The following PSMB5 variants were observed in gnomAD, a reference collection of about 807,000 sequenced individuals.
PSMB5 encodes the protein proteasome 20S subunit beta 5.
Under a neutral mutation model 22.8 loss-of-function variants are expected in PSMB5, and 2 were observed. The ratio of observed to expected loss-of-function variants is 0.09; its 90% confidence interval spans 0.04 to 0.28. The LOEUF (loss-of-function observed/expected upper bound fraction) is 0.28. Ranked by LOEUF, PSMB5 falls within the 10% of genes least tolerant of loss-of-function variation. The pLI is 1.00. For synonymous variants in PSMB5, 133 were observed against 135.3 expected, an observed-to-expected ratio of 0.98 and a Z score of 0.12; for missense variants, 269 against 343.8, an observed-to-expected ratio of 0.78 and a Z score of 1.72.
Position 23,026,210 on chromosome 14 carries a change from T to C in PSMB5, c.671A>G (p.Tyr224Cys). Residue 224 changes from tyrosine (Y) to cysteine (C), a missense_variant, in exon 3 of 3, where the codon TAC becomes TGC. Around this residue, in one of 3 missense-constraint regions of PSMB5, gnomAD observed 113 missense variants for 130.2 expected, o/e 0.87. Transcript: ENST00000361611. The part of the protein sequence containing the change: ...LARRAIYQAT[Y>C]RDAYSGGAVN... Reference sequence around the variant, plus strand: ...TGCACCTCCTGAGTAGGCATCTCTGTAGGTGGCTTGGTAGATGGCTCGACG... The same window carrying C: ...TGCACCTCCTGAGTAGGCATCTCTGCAGGTGGCTTGGTAGATGGCTCGACG... 6.2e-7 allele frequency: 1 copy of C among 1,614,110 alleles called. No homozygotes were observed. The highest frequency in any genetic ancestry group is 8.5e-7 in the Non-Finnish European group (1 of 1,180,026).
intron 2 of PSMB5, among the ~76,000 whole-genome samples, chr14:23,031,674 T>C (rs1394848843): frequency 6.6e-6 from 1 of 152,210 alleles, no homozygotes; most frequent in Admixed American, 6.5e-5. Context: ...AAAGTTGAAC[T>C]GTCTGGCAAG....
At chr14:23,029,787 A>T (rs1594713054) in intron 2 of PSMB5, among the ~76,000 whole-genome samples, 3 of 140,072 alleles carry the variant, frequency 2.1e-5, no homozygotes, top group South Asian at 2.3e-4. Context: ...CTAATTTTGT[A>T]TTTTTTTTTT....
chr14:23,027,865 C>T (rs1417586000), intron 2 of PSMB5: 9 of 1,490,710 alleles, frequency 6.0e-6, no homozygotes, highest in Non-Finnish European at 7.3e-6. Flanking sequence ...AATCCCCGGC[C>T]AGGCGCAGTG....
rs1178544507 is a variant in PSMB5 at position 23,032,743 on chromosome 14, C to T, written c.505+625G>A. Among the ~76,000 whole-genome samples the T allele has an allele frequency of 4.0e-5, 6 of 151,388 alleles. 1 individual carries two copies. Among genetic ancestry groups the T allele is most frequent in the South Asian group, 4.2e-4 (2 of 4,798 alleles). On this transcript the variant is annotated intron_variant, in intron 2 of 2. Transcript: ENST00000361611. ...CCTCCTGAGTAGCTGGGACTACAGG[C>T]GCCTGCCACCACGCCTGGCTAATTT... is the stretch of plus-strand genomic sequence containing the variant.
Position 23,033,350 on chromosome 14 carries a change from G to T in PSMB5, c.505+18C>A. 6.3e-7 allele frequency: 1 copy of T among 1,599,100 alleles called. No homozygotes were observed. On this transcript the variant is annotated intron_variant, in intron 2 of 2. Transcript: ENST00000361611. ...TGTAGTGTCAGCCCAAGGATCATGT[G>T]GTTGCAGCTTAACTCACCAGGGCCT...
chr14:23,031,843 CTT>C (rs925692899), intron 2 of PSMB5, among the ~76,000 whole-genome samples: 1 of 152,216 alleles, frequency 6.6e-6, no homozygotes, highest in Non-Finnish European at 1.5e-5. Flanking sequence ...AATCTCAACA[CTT>C]TGGCAGGCTG....
chr14:23,031,653 A>G (rs2046953165), intron 2 of PSMB5, among the ~76,000 whole-genome samples: 1 of 152,266 alleles, frequency 6.6e-6, no homozygotes, highest in South Asian at 2.1e-4. Context: ...TGAGGAAATG[A>G]CATTAAATAC....
In PSMB5 at chr14:23,034,616, T is replaced by C. The variant is rs1381801135; in HGVS notation, c.198+68A>G. 3 of 1,560,882 alleles carry C rather than the reference T, an allele frequency of 1.9e-6. No homozygotes were observed. The East Asian group carries it at 7.0e-5, about 37-fold the overall frequency. On this transcript the variant is annotated intron_variant, in intron 1 of 2. Transcript: ENST00000361611. ...TGGCCAAGGCCACCGCAAACTCCGG[T>C]CAGGCTGGGAGGCCAGGCAAGTCGC...
At chr14:23,027,890 T>A (rs1334776861) in intron 2 of PSMB5, 1 of 1,343,564 alleles carries the variant, frequency 7.4e-7, no homozygotes, top group Non-Finnish European at 1.0e-6. Flanking sequence ...AAACCCGTAA[T>A]CCCAGCACTT....
chr14:23,034,052 T>A (rs182536547), intron 1 of PSMB5, among the ~76,000 whole-genome samples: 17 of 150,512 alleles, frequency 1.1e-4, no homozygotes, highest in Non-Finnish European at 2.2e-4. Flanking sequence ...GTGCCTATAG[T>A]GTCAGCTACT....
intron 2 of PSMB5, among the ~76,000 whole-genome samples, chr14:23,030,476 G>A (rs1386798057): frequency 4.0e-5 from 6 of 151,502 alleles, no homozygotes; most frequent in Admixed American, 6.6e-5. Flanking sequence ...GCGACAGAGC[G>A]AGACTCCGTC....
In PSMB5 at chr14:23,031,492, T is replaced by C. The variant is rs528600373; in HGVS notation, c.505+1876A>G. Among the ~76,000 whole-genome samples the C allele has an allele frequency of 5.9e-5, 9 of 152,316 alleles. No individual in the cohort carries two copies. In the South Asian group the frequency reaches 1.0e-3, roughly 18 times the overall value. On this transcript the variant is annotated intron_variant, in intron 2 of 2. Coordinates refer to ENST00000361611, the MANE Select transcript of PSMB5 (RefSeq NM_002797.5). ...TGGTAGGTACCCTATAATTGTTCTA[T>C]AAGATAACTAGGTATTTAGTAAGCA... is the stretch of plus-strand genomic sequence containing the variant.
rs183626421 is a variant in PSMB5 at position 23,032,983 on chromosome 14, T to C, written c.505+385A>G. On this transcript the variant is annotated intron_variant, in intron 2 of 2. Coordinates refer to ENST00000361611, the MANE Select transcript of PSMB5 (RefSeq NM_002797.5). ...GTGCAGTGGCGCGATCTCTGCTCAC[T>C]GCAACATCCACCTCCTGGGTTCAAG... Among the ~76,000 whole-genome samples, 399 of 149,154 alleles carry C rather than the reference T, an allele frequency of 2.7e-3. 1 individual carries two copies. The highest frequency in any genetic ancestry group is 9.4e-3 in the African/African-American group (381 of 40,672).
At chr14:23,028,089 GC>G (rs915989438) in intron 2 of PSMB5, among the ~76,000 whole-genome samples, 35 of 152,294 alleles carry the variant, frequency 2.3e-4, no homozygotes, top group Admixed American at 7.8e-4. Flanking sequence ...TTTGCAGTGA[GC>G]CGAGATCGCA....
chr14:23,034,641 C>T, intron 1 of PSMB5, 43 bp downstream of exon 1: 1 of 1,598,514 alleles, frequency 6.3e-7, no homozygotes, highest in Non-Finnish European at 8.5e-7. Flanking sequence ...AGGCAAGTCG[C>T]GGGCGTTCAG....
chr14:23,027,307 G>A (rs1286207451), intron 2 of PSMB5, among the ~76,000 whole-genome samples: 5 of 150,412 alleles, frequency 3.3e-5, no homozygotes, highest in African/African-American at 1.2e-4. Flanking sequence ...CGTAAACCCG[G>A]GAGGCGGAGC....
In PSMB5 at chr14:23,033,590, C is replaced by G; in HGVS notation, c.283G>C (p.Glu95Gln). 1.2e-6 allele frequency: 2 copies of G among 1,614,198 alleles called. No homozygotes were observed. Among genetic ancestry groups the G allele is most frequent in the Non-Finnish European group, 1.7e-6 (2 of 1,180,028 alleles). ...GTGCCTAGCAGGTATGGGTTGATCTCTATCACCTTCTTCACCGTCTGGGAG... is the reference window on the plus strand; with the variant it reads ...GTGCCTAGCAGGTATGGGTTGATCTGTATCACCTTCTTCACCGTCTGGGAG... ...IASQTVKKVIEINPYLLGTMA... is the reference protein window; with the variant it reads ...IASQTVKKVIQINPYLLGTMA... The change falls in exon 2 of 3, where the codon GAG becomes CAG. Residue 95 changes from glutamate (E) to glutamine (Q), a missense_variant. Around this residue, in one of 3 missense-constraint regions of PSMB5, gnomAD observed 75 missense variants for 143.2 expected, o/e 0.52. Transcript: ENST00000361611.
chr14:23,033,817 A>G, intron 1 of PSMB5, 143 bp from the exon 2 acceptor site: 2 of 713,276 alleles, frequency 2.8e-6, no homozygotes, highest in Non-Finnish European at 4.5e-6. Context: ...ATACTTCACC[A>G]TATATTAATG....
intron 2 of PSMB5, 63 bp downstream of exon 2, chr14:23,033,305 T>C: frequency 6.6e-7 from 1 of 1,524,092 alleles, no homozygotes; most frequent in East Asian, 2.3e-5. Flanking sequence ...AATTCATCTG[T>C]CCATCCAACC....
Sources: allele counts gnomAD v4.1 joint callset (sites outside exome capture counted in the v4.1 genomes callset), GRCh38; gene constraint gnomAD v4.1.1; regional missense constraint gnomAD v4.1.1; transcripts MANE v1.5; gene names NCBI Gene and HGNC (gene_info 2026-07-23, HGNC 2026-07-21).